LCK: variants seen among roughly 807,000 people sequenced by gnomAD.
The protein encoded by LCK is tyrosine-protein kinase Lck.
LCK carries 14 observed loss-of-function variants against 64.6 expected under a neutral mutation model. That is an observed-to-expected ratio of 0.22 (90% CI 0.14 to 0.34). LCK has a LOEUF of 0.34. LCK is among the 10% of genes least tolerant of loss of function. LCK has a pLI of 1.00. For missense variants in LCK, 434 were observed against 668.1 expected, an observed-to-expected ratio of 0.65 and a Z score of 3.86; for synonymous variants, 277 against 263.6, an observed-to-expected ratio of 1.05 and a Z score of -0.49.
intron 1 of LCK, among the ~76,000 whole-genome samples, chr1:32,272,577 G>GAGAGAGAGAA (rs1640107280): frequency 1.4e-5 from 2 of 143,462 alleles, no homozygotes; most frequent in African/African-American, 2.5e-5. Flanking sequence ...TGTCTCAAGA[G>GAGAGAGAGAA]AGAGAGAGAA....
At position 32,275,235 on chromosome 1, in the gene LCK, G is replaced by C. The variant is rs1240398375; in HGVS notation, c.279-86G>C. ...TATTGCTGAGCCAGGGTTGGGGGAG[G>C]CTGGCTTAAGGGGTGGAGGGGTCTT... On this transcript the variant is annotated intron_variant, in intron 4 of 12. Transcript: ENST00000336890. This position sits in a 1 kb window ranked among gnomAD's most constrained non-coding sequence, Gnocchi z 6.9. The C allele has an allele frequency of 2.7e-6, 4 of 1,503,096 alleles. No homozygotes were observed. The highest frequency in any genetic ancestry group is 3.7e-6 in the Non-Finnish European group (4 of 1,082,062). The allele number at this position is 1,503,096 out of a possible 1,614,324, so 93.1% of individuals were successfully genotyped here. A position where few individuals can be genotyped will look rare whatever the true frequency, so the allele number is the denominator to read the frequency against.
chr1:32,263,670 G>C (rs941968587), intron 1 of LCK, among the ~76,000 whole-genome samples: 1 of 151,916 alleles, frequency 6.6e-6, no homozygotes, highest in African/African-American at 2.4e-5. Flanking sequence ...CCAGCACTTT[G>C]GGAGGCCAAG....
chr1:32,257,864 A>G (rs1639666829), intron 1 of LCK, among the ~76,000 whole-genome samples: 1 of 152,172 alleles, frequency 6.6e-6, no homozygotes, highest in Non-Finnish European at 1.5e-5. Flanking sequence ...GCGATACTTG[A>G]CTAGCAGAAT....
intron 1 of LCK, among the ~76,000 whole-genome samples, chr1:32,271,704 G>A (rs1640085376): frequency 6.6e-6 from 1 of 152,188 alleles, no homozygotes; most frequent in Non-Finnish European, 1.5e-5. Context: ...GATTAGGCTT[G>A]CTGGTTTCTA....
rs1451575933 is a variant in LCK, at chr1:32,251,599, C to T, written c.-6+228C>T. ...GTCGTGCTGTCCACCAGTGGCCCCA[C>T]CTGACTGGGAGCGTGTTTCCTGGAC... On this transcript the variant is annotated intron_variant, in intron 1 of 12. Coordinates refer to ENST00000336890, the MANE Select transcript of LCK (RefSeq NM_005356.5). The surrounding 1 kb of genome is among the most constrained non-coding windows in gnomAD (Gnocchi z 4.0). Among the ~76,000 whole-genome samples, 4 of 152,176 alleles carry T rather than the reference C, an allele frequency of 2.6e-5. No individual in the cohort carries two copies. In the East Asian group the frequency reaches 7.7e-4, roughly 29 times the overall value.
intron 1 of LCK, among the ~76,000 whole-genome samples, chr1:32,264,671 A>G (rs1639865885): frequency 6.6e-6 from 1 of 151,758 alleles, no homozygotes; most frequent in Non-Finnish European, 1.5e-5. Context: ...CCTGTTCTAC[A>G]CTCCCTCTTC....
rs879033247 is a variant in LCK, at chr1:32,285,550, G to A, written c.1364G>A (p.Arg455Gln). The A allele has an allele frequency of 1.2e-6, 2 of 1,614,228 alleles. No homozygotes were observed. Among genetic ancestry groups the A allele is most frequent in the African/African-American group, 1.3e-5 (1 of 75,052 alleles). The change falls in exon 13 of 13, where the codon CGA becomes CAA. Residue 455 changes from arginine (R) to glutamine (Q), a missense_variant. By Grantham distance (43) the Arg-to-Gln change is conservative. This residue lies in a region of LCK where 201 missense variants were observed against 376.9 expected (regional missense o/e 0.53). Coordinates refer to ENST00000336890, the MANE Select transcript of LCK (RefSeq NM_005356.5). ...TNPEVIQNLE[R>Q]GYRMVRPDNC... ...CCGGAGGTGATTCAGAACCTGGAGC[G>A]AGGCTACCGCATGGTGCGCCCTGAC...
intron 9 of LCK, among the ~76,000 whole-genome samples, chr1:32,278,156 G>A (rs1432440345): frequency 6.6e-6 from 1 of 152,104 alleles, no homozygotes; most frequent in Non-Finnish European, 1.5e-5. Context: ...TCCAACCTGG[G>A]TAACAGAGCG....
At chr1:32,262,664 T>C (rs1365839085) in intron 1 of LCK, among the ~76,000 whole-genome samples, 1 of 150,940 alleles carries the variant, frequency 6.6e-6, no homozygotes, top group Non-Finnish European at 1.5e-5. Flanking sequence ...GCTCAAGGAG[T>C]CCTACTGCCT....
rs1406057348 is a variant in LCK at position 32,276,373 on chromosome 1, C to T, written c.668C>T (p.Pro223Leu). 6.2e-6 allele frequency: 10 copies of T among 1,610,676 alleles called. No homozygotes were observed. Among genetic ancestry groups the T allele is most frequent in the African/African-American group, 1.3e-5 (1 of 74,846 alleles). ...GGGCTGTGCACACGGTTGAGCCGCCCCTGCCAGACCCAGAAGCCCCAGAAG... is the reference window on the plus strand; with the variant it reads ...GGGCTGTGCACACGGTTGAGCCGCCTCTGCCAGACCCAGAAGCCCCAGAAG... ...SDGLCTRLSR[P>L]CQTQKPQKPW... Residue 223 changes from proline to leucine, a missense_variant, in exon 8 of 13, where the codon CCC becomes CTC. Coordinates refer to ENST00000336890, the MANE Select transcript of LCK (RefSeq NM_005356.5). The surrounding 1 kb of genome is among the most constrained non-coding windows in gnomAD (Gnocchi z 4.6).
intron 1 of LCK, among the ~76,000 whole-genome samples, chr1:32,256,310 G>C (rs1224139511): frequency 6.6e-6 from 1 of 151,742 alleles, no homozygotes; most frequent in Non-Finnish European, 1.5e-5. Flanking sequence ...GCTAACTTTT[G>C]TATTTTTAGT....
chr1:32,281,422 T>G (rs1432068856), intron 12 of LCK, among the ~76,000 whole-genome samples: 2 of 146,086 alleles, frequency 1.4e-5, no homozygotes, highest in Non-Finnish European at 1.5e-5. Flanking sequence ...ATTGTTCTAT[T>G]GCACTCCAGC....
At chr1:32,256,088 C>T (rs896124683) in intron 1 of LCK, among the ~76,000 whole-genome samples, 3 of 151,896 alleles carry the variant, frequency 2.0e-5, no homozygotes, top group Admixed American at 2.0e-4. Context: ...GGCAACATAG[C>T]AACACCCCGT....
At chr1:32,278,832 A>G (rs1260028393) in intron 9 of LCK, among the ~76,000 whole-genome samples, 1 of 152,148 alleles carries the variant, frequency 6.6e-6, no homozygotes, top group Non-Finnish European at 1.5e-5. Flanking sequence ...TTCAGCACTC[A>G]AAGTGGGGAC....
Position 32,275,476 on chromosome 1 carries a change from G to A in LCK, c.377+57G>A, listed in dbSNP as rs562345218. On this transcript the variant is annotated intron_variant, in intron 5 of 12. Coordinates refer to ENST00000336890, the MANE Select transcript of LCK (RefSeq NM_005356.5). This position sits in a 1 kb window ranked among gnomAD's most constrained non-coding sequence, Gnocchi z 6.9. ...GAGCAGATCTAGGGATCCTGGAGCA[G>A]GGAGTAGGCCTGGGGTGGCGGTGAA... The A allele has an allele frequency of 4.8e-5, 76 of 1,590,250 alleles. 1 individual carries two copies. In the South Asian group the frequency reaches 7.9e-4, roughly 17 times the overall value.
At position 32,278,725 on chromosome 1, in the gene LCK, T is replaced by C. The variant is rs1324327889; in HGVS notation, c.965-946T>C. 2.6e-5 allele frequency among the ~76,000 whole-genome samples: 4 copies of C among 152,206 alleles called. 1 individual carries two copies. The highest frequency in any genetic ancestry group is 9.6e-5 in the African/African-American group (4 of 41,466). ...CATTGGAAGTGAGTGCCAGGAATGA[T>C]TAGTAACATCTGCCATGGATACAAT... On this transcript the variant is annotated intron_variant, in intron 9 of 12. Coordinates refer to ENST00000336890, the MANE Select transcript of LCK (RefSeq NM_005356.5).
intron 12 of LCK, among the ~76,000 whole-genome samples, chr1:32,283,446 T>C (rs1323680230): frequency 6.6e-6 from 1 of 152,166 alleles, no homozygotes; most frequent in Non-Finnish European, 1.5e-5. Flanking sequence ...GGTTTTGGTC[T>C]TTGGGAACTG....
intron 1 of LCK, among the ~76,000 whole-genome samples, chr1:32,266,506 A>G (rs1248668749): frequency 5.4e-5 from 8 of 149,396 alleles, no homozygotes; most frequent in Non-Finnish European, 1.0e-4. Context: ...TGTCTCAAAA[A>G]AAAAAAAAAA....
At chr1:32,281,279 A>G (rs1640450551) in intron 12 of LCK, among the ~76,000 whole-genome samples, 1 of 151,040 alleles carries the variant, frequency 6.6e-6, no homozygotes, top group Non-Finnish European at 1.5e-5. Context: ...ACAAAAAAAA[A>G]AAAACAAACA....
Sources: gnomAD v4.1 joint callset for allele counts (sites outside exome capture counted in the v4.1 genomes callset) on GRCh38, gnomAD v4.1.1 for gene constraint, gnomAD v4.1.1 regional missense constraint, Gnocchi (gnomAD v3.1) non-coding constraint, MANE v1.5 for transcripts, NCBI Gene and HGNC (gene_info 2026-07-23, HGNC 2026-07-21) for gene names.